SV2C: variants seen among roughly 807,000 people sequenced by gnomAD.
The protein encoded by SV2C is solute carrier family 22 member B3.
In SV2C, 49 loss-of-function variants were observed where a neutral mutation model predicts 79.7. The ratio of observed to expected loss-of-function variants is 0.61; its 90% CI spans 0.49 to 0.78. The LOEUF is 0.78. SV2C is among the 30% of genes least tolerant of loss of function. SV2C has a pLI of 0.00. For synonymous variants in SV2C, 334 were observed against 333.2 expected, an observed-to-expected ratio of 1.00 and a Z score of -0.03; for missense variants, 833 against 912.9, an observed-to-expected ratio of 0.91 and a Z score of 1.13.
intron 1 of SV2C, among the ~76,000 whole-genome samples, chr5:76,113,395 C>G (rs1281191507): frequency 6.6e-6 from 1 of 152,194 alleles, no homozygotes; most frequent in Non-Finnish European, 1.5e-5. Flanking sequence ...TTCTGTGGAG[C>G]AGGTGCAAAA....
At chr5:75,975,011 G>A in the SV2C span, among the ~76,000 whole-genome samples, 1 of 152,224 alleles carries the variant, frequency 6.6e-6, no homozygotes, top group South Asian at 2.1e-4. Context: ...AACTATTATA[G>A]CATGCTGATT....
At chr5:76,095,370 G>A (rs1025249937) in intron 1 of SV2C, among the ~76,000 whole-genome samples, 1 of 152,028 alleles carries the variant, frequency 6.6e-6, no homozygotes, top group Admixed American at 6.5e-5. Flanking sequence ...CTTCAATAAA[G>A]GCTATCCAGA....
intron 6 of SV2C, among the ~76,000 whole-genome samples, chr5:76,290,246 G>C (rs1049552075): frequency 3.9e-5 from 6 of 152,136 alleles, no homozygotes; most frequent in African/African-American, 1.4e-4. Context: ...AGAACCTACT[G>C]CCTACTTGGT....
At chr5:75,923,845 T>C in the SV2C span, among the ~76,000 whole-genome samples, 1 of 152,158 alleles carries the variant, frequency 6.6e-6, no homozygotes, top group South Asian at 2.1e-4. Context: ...TGGAAAACAG[T>C]ATGGAGAGTC....
At chr5:76,007,101 A>G in the SV2C span, among the ~76,000 whole-genome samples, 1 of 152,164 alleles carries the variant, frequency 6.6e-6, no homozygotes. Context: ...TTACACAGCC[A>G]GCGAGTGTCA....
chr5:76,299,077 G>C, intron 10 of SV2C, 150 bp downstream of exon 10: 1 of 1,056,894 alleles, frequency 9.5e-7, no homozygotes, highest in African/African-American at 1.6e-5. Context: ...TGGATCAAAG[G>C]TTGGCTTGTA....
intron 1 of SV2C, among the ~76,000 whole-genome samples, chr5:76,109,716 C>T (rs2112136198): frequency 6.6e-6 from 1 of 152,224 alleles, no homozygotes; most frequent in Admixed American, 6.5e-5. Context: ...CGAGGAATGC[C>T]AAGGCTTGCT....
rs1189185807 is a variant in SV2C, at chr5:76,152,486, G to A, written c.580+20156G>A. Among the ~76,000 whole-genome samples, 3 of 152,190 alleles carry A rather than the reference G, an allele frequency of 2.0e-5. No individual in the cohort carries two copies. In the East Asian group the frequency reaches 5.8e-4, roughly 29 times the overall value. ...GGCAAAATAGGAGAGGACTGGGTCA[G>A]CTGCTGCTATCTCATTTTATTTATT... On this transcript the variant is annotated intron_variant, in intron 2 of 12. Transcript: ENST00000502798.
At chr5:75,885,131 G>A in the SV2C span, among the ~76,000 whole-genome samples, 1 of 152,068 alleles carries the variant, frequency 6.6e-6, no homozygotes, top group Non-Finnish European at 1.5e-5. Context: ...TTGTGCAAAA[G>A]AAATTCTAGA....
the SV2C span, among the ~76,000 whole-genome samples, chr5:75,878,368 C>T: frequency 6.6e-6 from 1 of 152,126 alleles, no homozygotes; most frequent in Non-Finnish European, 1.5e-5. Context: ...GTTTAAACGT[C>T]TGTTTCTTTT....
intron 12 of SV2C, among the ~76,000 whole-genome samples, chr5:76,311,648 G>C (rs1405029722): frequency 6.6e-6 from 1 of 152,154 alleles, no homozygotes; most frequent in Admixed American, 6.5e-5. Flanking sequence ...ATGTAATGTA[G>C]ATCACAAACA....
the SV2C span, among the ~76,000 whole-genome samples, chr5:75,973,587 G>T: frequency 6.6e-6 from 1 of 151,996 alleles, no homozygotes; most frequent in African/African-American, 2.4e-5. Context: ...GACGAGGGGA[G>T]ATTGATACAT....
At chr5:76,111,459 G>A (rs1748094501) in intron 1 of SV2C, among the ~76,000 whole-genome samples, 1 of 152,124 alleles carries the variant, frequency 6.6e-6, no homozygotes, top group Admixed American at 6.5e-5. Context: ...TTTCCAGCGA[G>A]GAAATGTATT....
chr5:76,105,473 C>T (rs929198437), intron 1 of SV2C, among the ~76,000 whole-genome samples: 4 of 152,122 alleles, frequency 2.6e-5, no homozygotes, highest in Admixed American at 6.5e-5. Context: ...TCCCTCAAAC[C>T]AGTTGAGTAG....
intron 4 of SV2C, among the ~76,000 whole-genome samples, chr5:76,274,065 A>T (rs1746953201): frequency 6.6e-6 from 1 of 152,230 alleles, no homozygotes; most frequent in Admixed American, 6.5e-5. Context: ...CTGTATTGTC[A>T]GTGTTTAGAT....
chr5:75,935,063 A>G, the SV2C span, among the ~76,000 whole-genome samples: 1 of 152,122 alleles, frequency 6.6e-6, no homozygotes, highest in Non-Finnish European at 1.5e-5. Context: ...TATATTTCCT[A>G]TATGGTTACA....
At chr5:75,995,485 G>A in the SV2C span, among the ~76,000 whole-genome samples, 1 of 151,922 alleles carries the variant, frequency 6.6e-6, no homozygotes, top group Non-Finnish European at 1.5e-5. Context: ...ATTTCCCTAT[G>A]GAAATGCAGT....
At chr5:75,939,174 A>G in the SV2C span, among the ~76,000 whole-genome samples, 1 of 152,118 alleles carries the variant, frequency 6.6e-6, no homozygotes, top group African/African-American at 2.4e-5. Context: ...CTTTTGATAT[A>G]TATTTGTCTG....
chr5:76,207,137 T>G (rs1009090722), intron 3 of SV2C, among the ~76,000 whole-genome samples: 2 of 150,712 alleles, frequency 1.3e-5, no homozygotes, highest in Non-Finnish European at 2.9e-5. Flanking sequence ...AAATCTACAG[T>G]CTTCCACTTG....
Sources: gnomAD v4.1 joint callset for allele counts (sites outside exome capture counted in the v4.1 genomes callset) on GRCh38, gnomAD v4.1.1 for gene constraint, MANE v1.5 for transcripts, NCBI Gene and HGNC (gene_info 2026-07-23, HGNC 2026-07-21) for gene names.